Variants in SLC35F3 observed in about 807,000 individuals in gnomAD.
SLC35F3 encodes the protein solute carrier family 35 member F3.
In SLC35F3, 25 loss-of-function variants were observed where a neutral mutation model predicts 49.9. The observed-to-expected ratio is 0.50, with a 90% confidence interval of 0.37 to 0.70. The LOEUF (loss-of-function observed/expected upper bound fraction) is 0.70. Ranked by LOEUF, SLC35F3 falls within the 30% of genes least tolerant of loss-of-function variation. The probability of loss-of-function intolerance (pLI) is 0.00; values close to 1 mark genes in which losing one functional copy is unlikely to be tolerated. For synonymous variants in SLC35F3, 275 were observed against 265.4 expected (o/e 1.04, Z -0.35); for missense variants, 525 against 639.8 (o/e 0.82, Z 1.94).
At chr1:233,939,032 A>G (rs767506850) in intron 2 of SLC35F3, among the ~76,000 whole-genome samples, 7 of 152,164 alleles carry the variant, frequency 4.6e-5, no homozygotes, top group Admixed American at 1.3e-4. Flanking sequence ...ATTCTTCCCA[A>G]TCCTTGTTAT....
In SLC35F3 at chr1:234,307,200, A is replaced by C. The variant is rs1431979649; in HGVS notation, c.609-1901A>C. Among the ~76,000 whole-genome samples the C allele has an allele frequency of 1.6e-4, 24 of 152,312 alleles. 1 individual carries two copies. Among genetic ancestry groups the C allele is most frequent in the Admixed American group, 1.5e-3 (23 of 15,302 alleles). On this transcript the variant is annotated intron_variant, in intron 3 of 7. Transcript: ENST00000366618. ...TGGCAAACAGAAATATCAGCCTCTCAGTTAGATGAGGGTTGCAGCTATATA... is the reference window on the plus strand; with the variant it reads ...TGGCAAACAGAAATATCAGCCTCTCCGTTAGATGAGGGTTGCAGCTATATA...
chr1:234,323,172 G>A lies in SLC35F3; in HGVS notation c.1402G>A (p.Glu468Lys). 6.2e-7 allele frequency: 1 copy of A among 1,614,168 alleles called. No individual in the cohort carries two copies. Among genetic ancestry groups the A allele is most frequent in the African/African-American group, 1.3e-5 (1 of 75,024 alleles). ...LKVRKKEEPA[E>K]GAADLSSGPQ... ...AGTGAGGAAGAAGGAGGAGCCTGCA[G>A]AGGGCGCTGCCGACCTGAGCTCAGG... Residue 468 changes from glutamate (E) to lysine (K), a missense_variant, in exon 8 of 8, where the codon GAG becomes AAG. Around this residue, in one of 4 missense-constraint regions of SLC35F3, gnomAD observed 76 missense variants for 95.6 expected, o/e 0.80. Coordinates refer to ENST00000366618, the MANE Select transcript of SLC35F3 (RefSeq NM_173508.4). This position sits in a 1 kb window ranked among gnomAD's most constrained non-coding sequence, Gnocchi z 4.5.
At chr1:233,958,466 T>G (rs1662741345) in intron 2 of SLC35F3, among the ~76,000 whole-genome samples, 1 of 152,246 alleles carries the variant, frequency 6.6e-6, no homozygotes, top group Non-Finnish European at 1.5e-5. Context: ...TTTATACCTA[T>G]GAGGTCTATT....
At chr1:234,144,649 T>C (rs553702588) in intron 2 of SLC35F3, among the ~76,000 whole-genome samples, 4 of 152,352 alleles carry the variant, frequency 2.6e-5, no homozygotes, top group African/African-American at 9.6e-5. Flanking sequence ...ACAGATTTTT[T>C]TTCTTTCATG....
intron 2 of SLC35F3, among the ~76,000 whole-genome samples, chr1:234,007,295 A>G (rs190724654): frequency 2.6e-5 from 4 of 152,320 alleles, no homozygotes; most frequent in Admixed American, 6.5e-5. Flanking sequence ...TGCAGTTTTA[A>G]TTAGGAGGGA....
At chr1:233,999,523 G>C (rs973392190) in intron 2 of SLC35F3, among the ~76,000 whole-genome samples, 1 of 152,094 alleles carries the variant, frequency 6.6e-6, no homozygotes, top group African/African-American at 2.4e-5. Context: ...CTGCTTTGCC[G>C]GACTGTTTGC....
chr1:234,166,216 A>G (rs1406583996), intron 2 of SLC35F3, among the ~76,000 whole-genome samples: 5 of 152,074 alleles, frequency 3.3e-5, no homozygotes, highest in Non-Finnish European at 7.4e-5. Context: ...GAGAGTTCCC[A>G]TATACCTCCT....
chr1:234,174,356 C>T (rs909658912), intron 2 of SLC35F3, among the ~76,000 whole-genome samples: 2 of 152,238 alleles, frequency 1.3e-5, no homozygotes, highest in African/African-American at 2.4e-5. Flanking sequence ...ACCACCTGGC[C>T]TTGCATTAGT....
At chr1:233,934,517 G>GA (rs1266225377) in intron 2 of SLC35F3, among the ~76,000 whole-genome samples, 2 of 151,878 alleles carry the variant, frequency 1.3e-5, no homozygotes, top group Non-Finnish European at 2.9e-5. Context: ...CATTAGACAA[G>GA]AAAAAAATCA....
intron 2 of SLC35F3, among the ~76,000 whole-genome samples, chr1:234,075,294 A>G (rs1256700381): frequency 1.3e-5 from 2 of 152,226 alleles, no homozygotes; most frequent in East Asian, 1.9e-4. Context: ...CTACTAGTCA[A>G]CAGTAGTGGC....
chr1:233,929,604 G>T (rs1662211184), intron 2 of SLC35F3, among the ~76,000 whole-genome samples: 1 of 152,148 alleles, frequency 6.6e-6, no homozygotes, highest in Non-Finnish European at 1.5e-5. Flanking sequence ...GATTAATTAT[G>T]TTGAACACTA....
chr1:234,152,043 AC>A (rs1666082175), intron 2 of SLC35F3, among the ~76,000 whole-genome samples: 1 of 151,494 alleles, frequency 6.6e-6, no homozygotes, highest in South Asian at 2.1e-4. Context: ...GAGAATAATA[AC>A]CCCCAAATGA....
chr1:234,140,712 A>G (rs1665902686), intron 2 of SLC35F3, among the ~76,000 whole-genome samples: 1 of 152,166 alleles, frequency 6.6e-6, no homozygotes, highest in Admixed American at 6.5e-5. Flanking sequence ...TATGCGATGT[A>G]TTGTCTTACT....
intron 2 of SLC35F3, among the ~76,000 whole-genome samples, chr1:233,979,168 A>C (rs1021129285): frequency 6.6e-6 from 1 of 152,182 alleles, no homozygotes; most frequent in African/African-American, 2.4e-5. Context: ...GAAGACTTGA[A>C]TTTCAATTCT....
chr1:234,301,403 AG>A (rs1350385456), intron 3 of SLC35F3, among the ~76,000 whole-genome samples: 1 of 152,244 alleles, frequency 6.6e-6, no homozygotes, highest in East Asian at 1.9e-4. Flanking sequence ...ACTTCTCAAC[AG>A]AAGACATTTA....
chr1:234,321,068 C>A (rs893893169), intron 7 of SLC35F3, among the ~76,000 whole-genome samples: 17 of 146,904 alleles, frequency 1.2e-4, no homozygotes, highest in Non-Finnish European at 1.1e-4. Context: ...AATGGCAAAC[C>A]CTTATCCTGT....
Position 234,076,987 on chromosome 1 carries a change from G to GT in SLC35F3, c.284-154420dup, listed in dbSNP as rs1025001276. On this transcript the variant is annotated intron_variant, in intron 2 of 7. Transcript: ENST00000366618. ...ACTGGATAATTTATAAAAGAAAGAG[G>GT]TTTTTTTTTTGTTTTTTTTTTTTTT... Among the ~76,000 whole-genome samples, 469 of 134,672 alleles carry GT rather than the reference G, an allele frequency of 3.5e-3. 2 individuals are homozygous for GT. The highest frequency in any genetic ancestry group is 0.012 in the African/African-American group (439 of 35,446). The allele number at this position is 134,672 out of a possible 152,430, so 88.4% of individuals were successfully genotyped here. A position where few individuals can be genotyped will look rare whatever the true frequency, so the allele number is the denominator to read the frequency against.
At chr1:234,079,776 G>T (rs933055634) in intron 2 of SLC35F3, among the ~76,000 whole-genome samples, 1 of 152,116 alleles carries the variant, frequency 6.6e-6, no homozygotes, top group Non-Finnish European at 1.5e-5. Context: ...ATATTAACGA[G>T]GATATAGAGA....
intron 3 of SLC35F3, among the ~76,000 whole-genome samples, chr1:234,307,292 C>T (rs1657222718): frequency 6.6e-6 from 1 of 152,194 alleles, no homozygotes; most frequent in Non-Finnish European, 1.5e-5. Flanking sequence ...AATGTTTTAC[C>T]TGGCCCCGGT....
Sources: allele counts gnomAD v4.1 joint callset (sites outside exome capture counted in the v4.1 genomes callset), GRCh38; gene constraint gnomAD v4.1.1; regional missense constraint gnomAD v4.1.1; non-coding constraint Gnocchi (gnomAD v3.1); transcripts MANE v1.5; gene names NCBI Gene and HGNC (gene_info 2026-07-23, HGNC 2026-07-21).